UNC5D: variants seen among roughly 807,000 people sequenced by gnomAD.
UNC5D encodes unc-5 netrin receptor D, also known as netrin receptor UNC5D.
In UNC5D, 39 loss-of-function variants were observed where a neutral mutation model predicts 105.4. The ratio of observed to expected loss-of-function variants is 0.37; its 90% CI spans 0.29 to 0.48. The LOEUF (loss-of-function observed/expected upper bound fraction) is 0.48, where lower values mean the gene tolerates loss of function less well. UNC5D is among the 20% of genes least tolerant of loss of function. The probability of loss-of-function intolerance (pLI) is 0.98; values close to 1 mark genes in which losing one functional copy is unlikely to be tolerated. For synonymous variants in UNC5D, 452 were observed against 450.4 expected, an observed-to-expected ratio of 1.00 and a Z score of -0.04; for missense variants, 991 against 1,202.4, an observed-to-expected ratio of 0.82 and a Z score of 2.60.
intron 1 of UNC5D, among the ~76,000 whole-genome samples, chr8:35,546,545 G>A (rs1815695380): frequency 6.6e-6 from 1 of 152,198 alleles, no homozygotes; most frequent in African/African-American, 2.4e-5. Flanking sequence ...CTTTGGGTAT[G>A]TATTGTTTAT....
chr8:35,321,991 T>C (rs1400233654), intron 1 of UNC5D, among the ~76,000 whole-genome samples: 14 of 152,202 alleles, frequency 9.2e-5, no homozygotes, highest in Admixed American at 9.2e-4. Flanking sequence ...TCATGGTTTG[T>C]TGTGAGAAAT....
chr8:35,427,927 G>GGAATGGT (rs1368580288), intron 1 of UNC5D, among the ~76,000 whole-genome samples: 3 of 152,142 alleles, frequency 2.0e-5, no homozygotes, highest in Non-Finnish European at 4.4e-5. Flanking sequence ...TGATGCAGTA[G>GGAATGGT]GAATGGTGAC....
chr8:35,687,135 T>C (rs2131355114), intron 7 of UNC5D, among the ~76,000 whole-genome samples: 1 of 152,240 alleles, frequency 6.6e-6, no homozygotes, highest in African/African-American at 2.4e-5. Flanking sequence ...GCAAGGAACA[T>C]GTCTTATTAC....
intron 2 of UNC5D, among the ~76,000 whole-genome samples, chr8:35,555,204 C>T (rs1373351485): frequency 6.6e-6 from 1 of 152,060 alleles, no homozygotes; most frequent in East Asian, 1.9e-4. Context: ...AAGCCTTCTC[C>T]CTCCCCACCT....
rs536790837 is a variant in UNC5D, at chr8:35,551,259, C to G, written c.322+1749C>G. Among the ~76,000 whole-genome samples the G allele has an allele frequency of 5.3e-5, 8 of 152,216 alleles. No individual in the cohort carries two copies. The South Asian group carries it at 1.7e-3, about 32-fold the overall frequency. Reference sequence around the variant, plus strand: ...ATAACAACCAGAATATAAGTAATTGCATTAACAAGGATAAAAATGTGAGAT... The same window carrying G: ...ATAACAACCAGAATATAAGTAATTGGATTAACAAGGATAAAAATGTGAGAT... On this transcript the variant is annotated intron_variant, in intron 2 of 16. Transcript: ENST00000404895.
At chr8:35,577,344 G>A (rs1016327521) in intron 3 of UNC5D, among the ~76,000 whole-genome samples, 1 of 152,116 alleles carries the variant, frequency 6.6e-6, no homozygotes, top group Non-Finnish European at 1.5e-5. Flanking sequence ...CTTTAATCTG[G>A]ATAAGTTCCT....
chr8:35,595,057 A>G (rs1218972453), intron 3 of UNC5D, among the ~76,000 whole-genome samples: 5 of 152,224 alleles, frequency 3.3e-5, no homozygotes, highest in African/African-American at 1.2e-4. Flanking sequence ...GGTTACAAAT[A>G]AAAAGACTAA....
intron 1 of UNC5D, among the ~76,000 whole-genome samples, chr8:35,247,368 T>G (rs1027285357): frequency 6.7e-6 from 1 of 149,496 alleles, no homozygotes; most frequent in Non-Finnish European, 1.5e-5. Context: ...AAAAAAGGTT[T>G]GCATTATAGA....
chr8:35,513,614 A>G (rs1261186535), intron 1 of UNC5D, among the ~76,000 whole-genome samples: 2 of 152,072 alleles, frequency 1.3e-5, no homozygotes, highest in Non-Finnish European at 2.9e-5. Flanking sequence ...ATTTTTCCCT[A>G]CAGCACTTAC....
At chr8:35,526,816 A>C (rs1391924176) in intron 1 of UNC5D, among the ~76,000 whole-genome samples, 2 of 151,834 alleles carry the variant, frequency 1.3e-5, no homozygotes, top group Non-Finnish European at 2.9e-5. Context: ...AGAAATACCC[A>C]GTGTGTTTCA....
intron 1 of UNC5D, among the ~76,000 whole-genome samples, chr8:35,294,836 G>A (rs943506010): frequency 1.1e-4 from 16 of 151,766 alleles, no homozygotes; most frequent in African/African-American, 3.9e-4. Flanking sequence ...ACTTTTCTCT[G>A]ATTCTTGGGA....
At chr8:35,375,068 A>G (rs1442983446) in intron 1 of UNC5D, among the ~76,000 whole-genome samples, 1 of 152,234 alleles carries the variant, frequency 6.6e-6, no homozygotes, top group Non-Finnish European at 1.5e-5. Flanking sequence ...TATCCAAATT[A>G]TTAAAGCCTG....
intron 12 of UNC5D, among the ~76,000 whole-genome samples, chr8:35,749,923 G>A (rs1297738024): frequency 6.9e-6 from 1 of 145,618 alleles, no homozygotes; most frequent in Non-Finnish European, 1.5e-5. Context: ...AATGAAAGAG[G>A]ATAAAATGTT....
intron 4 of UNC5D, among the ~76,000 whole-genome samples, chr8:35,648,784 C>T (rs1823230369): frequency 6.6e-6 from 1 of 151,418 alleles, no homozygotes; most frequent in Non-Finnish European, 1.5e-5. Context: ...CTACTCTTAG[C>T]AATGTACAAG....
chr8:35,375,963 A>C (rs1802675724), intron 1 of UNC5D, among the ~76,000 whole-genome samples: 1 of 152,340 alleles, frequency 6.6e-6, no homozygotes, highest in African/African-American at 2.4e-5. Context: ...GAATCTCAGA[A>C]GAAATTTGAG....
chr8:35,457,515 C>G (rs1808574365), intron 1 of UNC5D, among the ~76,000 whole-genome samples: 2 of 152,084 alleles, frequency 1.3e-5, no homozygotes, highest in Non-Finnish European at 2.9e-5. Context: ...TTACCAAGTT[C>G]CACTGTGATA....
Position 35,293,966 on chromosome 8 carries a change from TC to T in UNC5D, c.103+58080del, listed in dbSNP as rs151095846. 9.5e-3 allele frequency among the ~76,000 whole-genome samples: 1,444 copies of T among 152,300 alleles called. 21 individuals carry two copies. The highest frequency in any genetic ancestry group is 0.032 in the African/African-American group (1,342 of 41,566). ...GTTGAATACATGGGGTTCTGGGTGT[TC>T]AGGAGCATTGTCCAGTATTAAAAGA... On this transcript the variant is annotated intron_variant, in intron 1 of 16. Transcript: ENST00000404895.
At chr8:35,362,310 T>A (rs1237809417) in intron 1 of UNC5D, among the ~76,000 whole-genome samples, 1 of 152,232 alleles carries the variant, frequency 6.6e-6, no homozygotes, top group African/African-American at 2.4e-5. Context: ...TAAATGGATT[T>A]TCCTTTTTGC....
chr8:35,577,975 A>G (rs1818203866), intron 3 of UNC5D, among the ~76,000 whole-genome samples: 1 of 152,076 alleles, frequency 6.6e-6, no homozygotes, highest in Admixed American at 6.6e-5. Context: ...CTGTAATCCT[A>G]ACACTTTGGG....
Sources: gnomAD v4.1 joint callset for allele counts (sites outside exome capture counted in the v4.1 genomes callset) on GRCh38, gnomAD v4.1.1 for gene constraint, MANE v1.5 for transcripts, NCBI Gene and HGNC (gene_info 2026-07-23, HGNC 2026-07-21) for gene names.